Variants in OR2H1 observed in about 807,000 individuals in gnomAD.
The protein encoded by OR2H1 is olfactory receptor 2H1.
For missense variants in OR2H1, 380 were observed against 367.3 expected, an observed-to-expected ratio of 1.03 and a Z score of -0.28; for synonymous variants, 155 against 155.2, an observed-to-expected ratio of 1.00 and a Z score of 0.01.
chr6:29,462,826 G>A lies in OR2H1; in HGVS notation c.*106G>A, dbSNP rs1193869727. ...ACCTGAGCCACTGTGGTGGGTCACA[G>A]TGTGGCTATGTTATCTATGAGAGGG... On this transcript the variant is annotated 3_prime_UTR_variant, in exon 4 of 4. Transcript: ENST00000377133. 1.4e-6 allele frequency: 1 copy of A among 735,738 alleles called. No homozygotes were observed. Among genetic ancestry groups the A allele is most frequent in the Non-Finnish European group, 2.2e-6 (1 of 445,122 alleles). The allele number at this position is 735,738 out of a possible 1,614,324, so 45.6% of individuals were successfully genotyped here.
chr6:29,457,686 C>T (rs552562391), intron 1 of OR2H1, among the ~76,000 whole-genome samples: 4 of 152,104 alleles, frequency 2.6e-5, no homozygotes, highest in Admixed American at 2.6e-4. Context: ...GTAAATTATA[C>T]CTTAATTTTA....
rs540557397 is a variant in OR2H1 at position 29,461,649 on chromosome 6, G to C, written c.-121G>C. On this transcript the variant is annotated 5_prime_UTR_variant, in exon 4 of 4. Transcript: ENST00000377133. ...GGGAAAGGGAGGCTGGGTGAGCAGA[G>C]ACAGAAAAGAAACACCTACCTGCTG... 1,080 of 736,868 alleles carry C rather than the reference G, an allele frequency of 1.5e-3. 5 individuals carry two copies. The highest frequency in any genetic ancestry group is 2.6e-4 in the Non-Finnish European group (113 of 428,112). The allele number at this position is 736,868 out of a possible 1,614,324, so 45.6% of individuals were successfully genotyped here.
At position 29,462,209 on chromosome 6, in the gene OR2H1, G is replaced by A; in HGVS notation, c.440G>A (p.Trp147Ter). 6.2e-7 allele frequency: 1 copy of A among 1,613,514 alleles called. No individual in the cohort carries two copies. The highest frequency in any genetic ancestry group is 8.5e-7 in the Non-Finnish European group (1 of 1,180,030). ...TGCTGGCAGCTGGCATCTGTGGCCTGGGTTATGAGTCTGGTTCAATCGATA... is the reference window on the plus strand; with the variant it reads ...TGCTGGCAGCTGGCATCTGTGGCCTAGGTTATGAGTCTGGTTCAATCGATA... ...RLCWQLASVAWVMSLVQSIVQ... is the reference protein window; with the variant it reads ...RLCWQLASVA Residue 147 changes from tryptophan (W) to a stop codon, truncating the protein, a stop_gained, in exon 4 of 4, where the codon TGG becomes TAG. Transcript: ENST00000377133. LOFTEE classifies it low-confidence loss of function (END_TRUNC).
chr6:29,457,891 C>T (rs1786627806), intron 1 of OR2H1, among the ~76,000 whole-genome samples: 1 of 152,128 alleles, frequency 6.6e-6, no homozygotes, highest in Admixed American at 6.5e-5. Flanking sequence ...TGGCACACTT[C>T]CTTTGAATCT....
rs1787251465 is a variant in OR2H1 at position 29,461,591 on chromosome 6, A to T, written c.-179A>T. The T allele has an allele frequency of 3.4e-6, 2 of 589,090 alleles. No individual in the cohort carries two copies. Among genetic ancestry groups the T allele is most frequent in the Non-Finnish European group, 6.1e-6 (2 of 329,244 alleles). 36.5% of individuals were successfully genotyped at this position (589,090 alleles called of 1,614,324 possible). A position where few individuals can be genotyped will look rare whatever the true frequency, so the allele number is the denominator to read the frequency against. On this transcript the variant is annotated 5_prime_UTR_variant, in exon 4 of 4. Coordinates refer to ENST00000377133, the MANE Select transcript of OR2H1 (RefSeq NM_030883.5). Reference sequence around the variant, plus strand: ...CAACGTTTGATCAGAAGGAACAGGGAACGAGAAGGAGCTGCTGGATGACGA... The same window carrying T: ...CAACGTTTGATCAGAAGGAACAGGGTACGAGAAGGAGCTGCTGGATGACGA...
Position 29,458,184 on chromosome 6 carries a change from G to A in OR2H1, c.-442-270G>A, listed in dbSNP as rs567211571. On this transcript the variant is annotated intron_variant, in intron 1 of 3. Transcript: ENST00000377133. ...AGAGCAATGGTGGAATGTGGTTAGC[G>A]CATAGCTTCTTCAGCCAGCCCACCT... is the stretch of plus-strand genomic sequence containing the variant. 2.6e-5 allele frequency among the ~76,000 whole-genome samples: 4 copies of A among 152,298 alleles called. 1 individual carries two copies. Among genetic ancestry groups the A allele is most frequent in the Admixed American group, 1.3e-4 (2 of 15,300 alleles).
chr6:29,461,510 A>G lies in OR2H1; in HGVS notation c.-260A>G. The G allele has an allele frequency of 2.2e-6, 1 of 463,358 alleles. No individual in the cohort carries two copies. 28.7% of individuals were successfully genotyped at this position (463,358 alleles called of 1,614,324 possible). A position where few individuals can be genotyped will look rare whatever the true frequency, so the allele number is the denominator to read the frequency against. Reference sequence around the variant, plus strand: ...CCTCAACCAGGAAGTCAGAGGCACCAATGTGAGGTTCCACCTGCTTTCCAG... The same window carrying G: ...CCTCAACCAGGAAGTCAGAGGCACCGATGTGAGGTTCCACCTGCTTTCCAG... On this transcript the variant is annotated 5_prime_UTR_variant, in exon 4 of 4. Coordinates refer to ENST00000377133, the MANE Select transcript of OR2H1 (RefSeq NM_030883.5).
In OR2H1 at chr6:29,463,451, C is replaced by A. The variant is rs796268980; in HGVS notation, c.*731C>A. 1 of 166,988 alleles carries A rather than the reference C, an allele frequency of 6.0e-6. No homozygotes were observed. Among genetic ancestry groups the A allele is most frequent in the South Asian group, 2.1e-4 (1 of 4,820 alleles). 10.3% of individuals were successfully genotyped at this position (166,988 alleles called of 1,614,324 possible). ...ACAGTCGTCTGGCCCCTTTGGTTTC[C>A]GTGTCATCCTTTTTGGTGTGTAGGA... On this transcript the variant is annotated 3_prime_UTR_variant, in exon 4 of 4. Transcript: ENST00000377133.
Position 29,462,734 on chromosome 6 carries a change from G to A in OR2H1, c.*14G>A. On this transcript the variant is annotated 3_prime_UTR_variant, in exon 4 of 4. Coordinates refer to ENST00000377133, the MANE Select transcript of OR2H1 (RefSeq NM_030883.5). ...AGAGCTGCTTAATATACTTTCGAAA[G>A]TAAGAAGAGTTTCTTCAAGATTTAT... The A allele has an allele frequency of 6.3e-7, 1 of 1,578,674 alleles. No homozygotes were observed. The highest frequency in any genetic ancestry group is 8.7e-7 in the Non-Finnish European group (1 of 1,155,838).
In OR2H1 at chr6:29,461,784, C is replaced by G. The variant is rs1330587830; in HGVS notation, c.15C>G (p.Ser5Arg). 1.9e-6 allele frequency: 3 copies of G among 1,612,288 alleles called. No individual in the cohort carries two copies. Among genetic ancestry groups the G allele is most frequent in the South Asian group, 1.1e-5 (1 of 90,996 alleles). Residue 5 changes from serine (S) to arginine (R), a missense_variant, in exon 4 of 4, where the codon AGC (serine) becomes AGG (arginine). Ser to Arg is a moderately radical substitution (Grantham distance 110). Coordinates refer to ENST00000377133, the MANE Select transcript of OR2H1 (RefSeq NM_030883.5). Reference protein sequence around the residue: MVNQSSPMGFLLLGF... With the variant: MVNQRSPMGFLLLGF... ...AAGAACAGGCCATGGTTAACCAAAGCTCCCCCATGGGCTTCCTCCTTCTGG... is the reference window on the plus strand; with the variant it reads ...AAGAACAGGCCATGGTTAACCAAAGGTCCCCCATGGGCTTCCTCCTTCTGG...
chr6:29,462,227 A>G lies in OR2H1; in HGVS notation c.458A>G (p.Gln153Arg), dbSNP rs560414269. 4.3e-6 allele frequency: 7 copies of G among 1,613,318 alleles called. No individual in the cohort carries two copies. In the Admixed American group the frequency reaches 1.2e-4, roughly 27 times the overall value. ...ASVAWVMSLV[Q>R]SIVQTPSTLH... Reference sequence around the variant, plus strand: ...GTGGCCTGGGTTATGAGTCTGGTTCAATCGATAGTCCAGACACCATCCACC... The same window carrying G: ...GTGGCCTGGGTTATGAGTCTGGTTCGATCGATAGTCCAGACACCATCCACC... The change falls in exon 4 of 4, where the codon CAA (glutamine) becomes CGA (arginine). Residue 153 changes from glutamine to arginine, a missense_variant. Gln to Arg is a conservative substitution (Grantham distance 43). Transcript: ENST00000377133.
At chr6:29,458,109 G>A (rs891213799) in intron 1 of OR2H1, among the ~76,000 whole-genome samples, 2 of 152,106 alleles carry the variant, frequency 1.3e-5, no homozygotes, top group African/African-American at 2.4e-5. Flanking sequence ...AAAAGAAGTC[G>A]TTAGCAAGAG....
In OR2H1 at chr6:29,461,991, T is replaced by G; in HGVS notation, c.222T>G (p.Ser74Arg). ...LSFLDLCFTTSCVPQMLVNLW... is the reference protein window; with the variant it reads ...LSFLDLCFTTRCVPQMLVNLW... ...TCTTGGACCTCTGCTTTACCACAAGTTGTGTCCCCCAGATGCTGGTCAACC... is the reference window on the plus strand; with the variant it reads ...TCTTGGACCTCTGCTTTACCACAAGGTGTGTCCCCCAGATGCTGGTCAACC... The change falls in exon 4 of 4, where the codon AGT becomes AGG. Residue 74 changes from serine (S) to arginine (R), a missense_variant. Transcript: ENST00000377133. 6.2e-7 allele frequency: 1 copy of G among 1,613,216 alleles called. No homozygotes were observed. Among genetic ancestry groups the G allele is most frequent in the Non-Finnish European group, 8.5e-7 (1 of 1,180,006 alleles).
chr6:29,461,030 A>T (rs548861259), intron 3 of OR2H1: 3 of 152,240 alleles, frequency 2.0e-5, no homozygotes, highest in African/African-American at 7.2e-5. Flanking sequence ...TTTTCATGTC[A>T]TTTTGCTACA....
rs1561860150 is a variant in OR2H1 at position 29,461,926 on chromosome 6, C to T, written c.157C>T (p.Leu53Phe). 1.2e-6 allele frequency: 2 copies of T among 1,613,056 alleles called. No individual in the cohort carries two copies. The highest frequency in any genetic ancestry group is 1.6e-4 in the Middle Eastern group (1 of 6,062). ...CCTGCTGTCTGTACTGTACCCCAGG[C>T]TCCACTCTCCAATGTACTTTTTCCT... ...IILLSVLYPR[L>F]HSPMYFFLSD... Residue 53 changes from leucine (L) to phenylalanine (F), a missense_variant, in exon 4 of 4, where the codon CTC becomes TTC. Leu to Phe is a conservative substitution (Grantham distance 22). Transcript: ENST00000377133.
Position 29,462,597 on chromosome 6 carries a change from T to C in OR2H1, c.828T>C (p.Tyr276=), listed in dbSNP as rs748020074. Residue 276 remains tyrosine, a synonymous_variant, in exon 4 of 4, where the codon TAT becomes TAC. Coordinates refer to ENST00000377133, the MANE Select transcript of OR2H1 (RefSeq NM_030883.5). ...QGRGKFFGLF[Y]AVGTPSLNPL... is the part of the protein sequence containing the mutation. ...GGGGCAAGTTCTTTGGTCTCTTCTATGCAGTGGGCACTCCTTCACTTAACC... is the reference window on the plus strand; with the variant it reads ...GGGGCAAGTTCTTTGGTCTCTTCTACGCAGTGGGCACTCCTTCACTTAACC... 16 of 1,612,942 alleles carry C rather than the reference T, an allele frequency of 9.9e-6. No homozygotes were observed. Among genetic ancestry groups the C allele is most frequent in the Non-Finnish European group, 1.2e-5 (14 of 1,180,028 alleles).
chr6:29,461,950 C>T lies in OR2H1; in HGVS notation c.181C>T (p.Leu61Phe), dbSNP rs754408365. 2 of 1,613,040 alleles carry T rather than the reference C, an allele frequency of 1.2e-6. No homozygotes were observed. Among genetic ancestry groups the T allele is most frequent in the Admixed American group, 1.7e-5 (1 of 60,018 alleles). ...GCTCCACTCTCCAATGTACTTTTTC[C>T]TCTCTGACCTCTCCTTCTTGGACCT... ...PRLHSPMYFF[L>F]SDLSFLDLCF... Residue 61 changes from leucine to phenylalanine, a missense_variant, in exon 4 of 4, where the codon CTC becomes TTC. Coordinates refer to ENST00000377133, the MANE Select transcript of OR2H1 (RefSeq NM_030883.5).
intron 3 of OR2H1, 131 bp from the exon 4 acceptor site, chr6:29,461,364 A>G (rs988646510): frequency 1.1e-5 from 2 of 189,960 alleles, no homozygotes; most frequent in Non-Finnish European, 2.2e-5. Context: ...TTCTTTATGG[A>G]TGTACATAAT....
intron 3 of OR2H1, chr6:29,460,893 C>T (rs565050001): frequency 6.6e-6 from 1 of 152,164 alleles, no homozygotes; most frequent in Non-Finnish European, 1.5e-5. Flanking sequence ...ATAATTTCTA[C>T]TTAAACGTCC....
Sources: allele counts gnomAD v4.1 joint callset (sites outside exome capture counted in the v4.1 genomes callset), GRCh38; gene constraint gnomAD v4.1.1; transcripts MANE v1.5; gene names NCBI Gene and HGNC (gene_info 2026-07-23, HGNC 2026-07-21).